ITPR1: variants seen among roughly 807,000 people sequenced by gnomAD.
ITPR1 encodes the protein inositol 1,4,5-trisphosphate receptor type 1.
In ITPR1, 96 loss-of-function variants were observed where a neutral mutation model predicts 318.4. That is an observed-to-expected ratio of 0.30 (90% CI 0.26 to 0.36). ITPR1 has a LOEUF of 0.36. Ranked by LOEUF, ITPR1 falls within the 10% of genes least tolerant of loss-of-function variation. ITPR1 has a pLI of 1.00. For synonymous variants in ITPR1, 1,312 were observed against 1,289.9 expected (o/e 1.02, Z -0.37); for missense variants, 2,440 against 3,460.2 (o/e 0.71, Z 7.40).
At chr3:4,502,649 C>A (rs2081106217) in intron 2 of ITPR1, among the ~76,000 whole-genome samples, 1 of 151,980 alleles carries the variant, frequency 6.6e-6, no homozygotes, top group Non-Finnish European at 1.5e-5. Flanking sequence ...CCATGTTGGC[C>A]AGGATTGTCT....
chr3:4,669,638 TTC>T lies in ITPR1; in HGVS notation c.1887-14_1887-13del. 1 of 1,604,786 alleles carries T rather than the reference TTC, an allele frequency of 6.2e-7. No individual in the cohort carries two copies. Among genetic ancestry groups the T allele is most frequent in the Non-Finnish European group, 8.5e-7 (1 of 1,174,676 alleles). On this transcript the variant is annotated splice_polypyrimidine_tract_variant and intron_variant, in intron 18 of 61. Transcript: ENST00000649015. ...GCTCTATCTACAGAAAATGTTTTGT[TTC>T]TGTTTCTGTTTAGATTCTTAGATTA...
chr3:4,624,879 TATATTA>T (rs2092773713), intron 4 of ITPR1, among the ~76,000 whole-genome samples: 1 of 152,138 alleles, frequency 6.6e-6, no homozygotes, highest in African/African-American at 2.4e-5. Context: ...AGAATTCACA[TATATTA>T]ATATTAAGCT....
chr3:4,808,018 G>T (rs73807158), intron 55 of ITPR1, among the ~76,000 whole-genome samples: 1,677 of 152,292 alleles, frequency 0.011, 24 homozygotes, highest in African/African-American at 0.039. Flanking sequence ...CCTCCAGTTG[G>T]CTTGGCTTCT....
At chr3:4,549,598 C>G (rs957654341) in intron 4 of ITPR1, among the ~76,000 whole-genome samples, 3 of 151,602 alleles carry the variant, frequency 2.0e-5, no homozygotes, top group East Asian at 1.9e-4. Context: ...TATCTCTGAC[C>G]AGATGAATTT....
intron 52 of ITPR1, among the ~76,000 whole-genome samples, chr3:4,789,460 A>G (rs2047413140): frequency 2.0e-5 from 3 of 152,214 alleles, no homozygotes; most frequent in Admixed American, 2.0e-4. Flanking sequence ...CCTGTACTCC[A>G]AAAGGGAGAC....
At chr3:4,598,829 A>G (rs1334401683) in intron 4 of ITPR1, among the ~76,000 whole-genome samples, 2 of 152,200 alleles carry the variant, frequency 1.3e-5, no homozygotes, top group Middle Eastern at 3.4e-3. Context: ...ATTTTATGTC[A>G]TTTCCTGAAC....
intron 46 of ITPR1, among the ~76,000 whole-genome samples, chr3:4,770,019 C>G (rs2046084865): frequency 6.6e-6 from 1 of 152,134 alleles, no homozygotes; most frequent in African/African-American, 2.4e-5. Context: ...TGAGGATGAA[C>G]AAGGAAAGGG....
intron 60 of ITPR1, among the ~76,000 whole-genome samples, chr3:4,820,786 C>T (rs1009714730): frequency 3.3e-5 from 5 of 152,240 alleles, no homozygotes; most frequent in African/African-American, 1.2e-4. Flanking sequence ...CCTGCGCTGT[C>T]TGCTGTTGTG....
intron 2 of ITPR1, among the ~76,000 whole-genome samples, chr3:4,512,239 G>A (rs1031313287): frequency 6.6e-6 from 1 of 152,174 alleles, no homozygotes; most frequent in African/African-American, 2.4e-5. Flanking sequence ...AAGATGTGAT[G>A]ACAGGCATGA....
At chr3:4,562,531 T>A (rs1381825728) in intron 4 of ITPR1, among the ~76,000 whole-genome samples, 8 of 152,188 alleles carry the variant, frequency 5.3e-5, no homozygotes, top group Non-Finnish European at 5.9e-5. Context: ...ATGTTTATAT[T>A]ACATTCAGCA....
chr3:4,631,184 C>T (rs1205466651), intron 5 of ITPR1, among the ~76,000 whole-genome samples: 2 of 152,182 alleles, frequency 1.3e-5, no homozygotes, highest in African/African-American at 4.8e-5. Context: ...ACTGCATATC[C>T]AGTGGTGACC....
At chr3:4,561,947 T>C (rs1350914269) in intron 4 of ITPR1, among the ~76,000 whole-genome samples, 1 of 152,206 alleles carries the variant, frequency 6.6e-6, no homozygotes, top group Admixed American at 6.5e-5. Flanking sequence ...CTGACATTTA[T>C]TCAATTTTGT....
At chr3:4,793,051 C>T (rs1357951281) in intron 52 of ITPR1, among the ~76,000 whole-genome samples, 2 of 152,086 alleles carry the variant, frequency 1.3e-5, no homozygotes, top group Non-Finnish European at 2.9e-5. Flanking sequence ...TTCCATGTGC[C>T]ACAGGAAATA....
At chr3:4,576,040 T>C (rs1035595695) in intron 4 of ITPR1, among the ~76,000 whole-genome samples, 4 of 146,474 alleles carry the variant, frequency 2.7e-5, no homozygotes, top group Non-Finnish European at 6.0e-5. Context: ...AAAAAAGAAA[T>C]GTGGCTGGTG....
At chr3:4,817,798 G>A (rs2049405239) in intron 59 of ITPR1, among the ~76,000 whole-genome samples, 1 of 152,160 alleles carries the variant, frequency 6.6e-6, no homozygotes, top group African/African-American at 2.4e-5. Flanking sequence ...GAACCTAGAC[G>A]GCGGTCTCCC....
rs2106559752 is a variant in ITPR1, at chr3:4,846,785, T to TCGTTAGTGG, written c.*562_*570dup. The TCGTTAGTGG allele has an allele frequency of 6.5e-6, 1 of 152,774 alleles. No homozygotes were observed. Among genetic ancestry groups the TCGTTAGTGG allele is most frequent in the African/African-American group, 2.4e-5 (1 of 41,570 alleles). 9.5% of individuals were successfully genotyped at this position (152,774 alleles called of 1,614,324 possible). On this transcript the variant is annotated 3_prime_UTR_variant, in exon 62 of 62. Transcript: ENST00000649015. ...AATTATCCTCTGGTGATGCTGTTTCTCGTTAGTGGCAGTAGTGCCTCCGTC... is the reference window on the plus strand; with the variant it reads ...AATTATCCTCTGGTGATGCTGTTTCTCGTTAGTGGCGTTAGTGGCAGTAGTGCCTCCGTC...
chr3:4,807,775 T>C (rs1195222700), intron 55 of ITPR1, among the ~76,000 whole-genome samples: 5 of 152,228 alleles, frequency 3.3e-5, no homozygotes, highest in Non-Finnish European at 5.9e-5. Context: ...TGTCGCCTAT[T>C]TTGGTCACTT....
At chr3:4,758,615 A>G (rs578183770) in intron 44 of ITPR1, among the ~76,000 whole-genome samples, 1 of 152,268 alleles carries the variant, frequency 6.6e-6, no homozygotes, top group African/African-American at 2.4e-5. Flanking sequence ...TGTCTCTCCT[A>G]TTCTCCTCCC....
rs372427440 is a variant in ITPR1 at position 4,612,219 on chromosome 3, G to A, written c.164-15544G>A. The stretch of plus-strand genomic sequence containing the variant: ...TGGGATTACAGGCGCCCACCACCAC[G>A]CCTGGCTAATTTTTATACATTTAGT... On this transcript the variant is annotated intron_variant, in intron 4 of 61. Transcript: ENST00000649015. Among the ~76,000 whole-genome samples, 5 of 151,848 alleles carry A rather than the reference G, an allele frequency of 3.3e-5. No individual in the cohort carries two copies. The East Asian group carries it at 7.8e-4, about 24-fold the overall frequency.
Sources: gnomAD v4.1 joint callset for allele counts (sites outside exome capture counted in the v4.1 genomes callset) on GRCh38, gnomAD v4.1.1 for gene constraint, MANE v1.5 for transcripts, NCBI Gene and HGNC (gene_info 2026-07-23, HGNC 2026-07-21) for gene names.